RPH3AL: variants seen among roughly 807,000 people sequenced by gnomAD.
The protein encoded by RPH3AL is rabphilin 3A like (without C2 domains).
RPH3AL carries 38 observed loss-of-function variants against 43.1 expected under a neutral mutation model. The ratio of observed to expected loss-of-function variants is 0.88; its 90% CI spans 0.68 to 1.15. RPH3AL has a LOEUF of 1.15. Among genes scored for constraint, RPH3AL ranks in the 50% most tolerant of loss-of-function variants. The pLI is 0.00. For missense variants in RPH3AL, 462 were observed against 423.2 expected, an observed-to-expected ratio of 1.09 and a Z score of -0.81; for synonymous variants, 189 against 176.3, an observed-to-expected ratio of 1.07 and a Z score of -0.57.
intron 7 of RPH3AL, among the ~76,000 whole-genome samples, chr17:236,279 ACACT>A (rs1238016093): frequency 6.6e-5 from 10 of 152,214 alleles, no homozygotes; most frequent in Admixed American, 6.5e-4. Context: ...CAGATGCAAA[ACACT>A]CAGTTCTGTG....
chr17:288,839 TCTCTCCACCGTCAGACCTCGCA>T (rs1205612935), intron 5 of RPH3AL, among the ~76,000 whole-genome samples: 11 of 32,356 alleles, frequency 3.4e-4, no homozygotes, highest in Non-Finnish European at 8.1e-4. Flanking sequence ...CCTCGCACCC[TCTCTCCACCGTCAGACCTCGCA>T]CCCTCTCTCT....
chr17:244,777 C>T (rs1258317637), intron 7 of RPH3AL, among the ~76,000 whole-genome samples: 3 of 152,166 alleles, frequency 2.0e-5, no homozygotes, highest in Non-Finnish European at 4.4e-5. Context: ...GCCAAGTCTG[C>T]GTGCCTGAGG....
rs574143471 is a variant in RPH3AL, at chr17:230,116, C to T, written c.614-10380G>A. 1.4e-4 allele frequency among the ~76,000 whole-genome samples: 22 copies of T among 152,300 alleles called. No homozygotes were observed. The East Asian group carries it at 2.9e-3, about 20-fold the overall frequency. ...AGGCCCCCGAGGACAGCCCCAGGCA[C>T]GGGAGCTGATGGGCACAGACAGGGC... On this transcript the variant is annotated intron_variant, in intron 7 of 9. Coordinates refer to ENST00000331302, the MANE Select transcript of RPH3AL (RefSeq NM_006987.4).
chr17:314,217 A>G (rs1299182162), intron 5 of RPH3AL, among the ~76,000 whole-genome samples: 5 of 152,070 alleles, frequency 3.3e-5, no homozygotes, highest in Admixed American at 2.6e-4. Flanking sequence ...GTGCCTCTTC[A>G]TGGTCCCCTA....
Position 215,807 on chromosome 17 carries a change from G to A in RPH3AL, c.728-5C>T. ...TGGGGGCCTCCACGCTGCCACCTGT[G>A]GGAAATCACGTGTGGGCCCCGTGGA... On this transcript the variant is annotated splice_region_variant and splice_polypyrimidine_tract_variant and intron_variant, in intron 8 of 9. Coordinates refer to ENST00000331302, the MANE Select transcript of RPH3AL (RefSeq NM_006987.4). This position sits in a 1 kb window ranked among gnomAD's most constrained non-coding sequence, Gnocchi z 4.1. 1 of 1,298,000 alleles carries A rather than the reference G, an allele frequency of 7.7e-7. No individual in the cohort carries two copies. The highest frequency in any genetic ancestry group is 2.8e-5 in the South Asian group (1 of 35,970). 80.4% of individuals were successfully genotyped at this position (1,298,000 alleles called of 1,614,324 possible). A position where few individuals can be genotyped will look rare whatever the true frequency, so the allele number is the denominator to read the frequency against.
In RPH3AL at chr17:235,949, C is replaced by G. The variant is rs144163746; in HGVS notation, c.613+11162G>C. 4.2e-3 allele frequency among the ~76,000 whole-genome samples: 527 copies of G among 126,112 alleles called. 20 individuals carry two copies. Among genetic ancestry groups the G allele is most frequent in the Middle Eastern group, 0.012 (3 of 254 alleles). 82.7% of individuals were successfully genotyped at this position (126,112 alleles called of 152,430 possible). ...GAGGCTCCGCACTAACAAGACAGATCCAGGGTTCAAAGCTGGGGTCGGCCA... is the reference window on the plus strand; with the variant it reads ...GAGGCTCCGCACTAACAAGACAGATGCAGGGTTCAAAGCTGGGGTCGGCCA... On this transcript the variant is annotated intron_variant, in intron 7 of 9. Coordinates refer to ENST00000331302, the MANE Select transcript of RPH3AL (RefSeq NM_006987.4).
intron 6 of RPH3AL, among the ~76,000 whole-genome samples, chr17:276,642 C>T (rs1419686206): frequency 6.6e-6 from 1 of 152,212 alleles, no homozygotes; most frequent in Non-Finnish European, 1.5e-5. Context: ...ATCCTCCTGC[C>T]TCAGCTTCCC....
Position 281,840 on chromosome 17 carries a change from T to C in RPH3AL, c.366A>G (p.Lys122=). 1 of 1,613,594 alleles carries C rather than the reference T, an allele frequency of 6.2e-7. No individual in the cohort carries two copies. Among genetic ancestry groups the C allele is most frequent in the East Asian group, 2.2e-5 (1 of 44,838 alleles). ...GGCCAGGGGAGGCCTCGATCCCACA[T>C]TTGGTGCAGACTTTCTACAAGAGAG... ...CKDCRKKVCT[K]CGIEASPGQK... Residue 122 remains lysine, a synonymous_variant, in exon 6 of 10, where the codon AAA becomes AAG. Coordinates refer to ENST00000331302, the MANE Select transcript of RPH3AL (RefSeq NM_006987.4).
intron 2 of RPH3AL, chr17:331,497 C>T (rs888527269): frequency 1.7e-5 from 20 of 1,154,702 alleles, no homozygotes; most frequent in African/African-American, 6.4e-5. Flanking sequence ...CCACCCTGGC[C>T]GTGGCTGGCA....
chr17:233,066 C>A (rs939773135), intron 7 of RPH3AL, among the ~76,000 whole-genome samples: 2 of 151,722 alleles, frequency 1.3e-5, no homozygotes, highest in Admixed American at 6.6e-5. Context: ...ACTTAGTGAG[C>A]GCTTATCAAA....
chr17:304,802 A>AAAACCATTTTT (rs1377719953), intron 5 of RPH3AL, among the ~76,000 whole-genome samples: 1 of 151,466 alleles, frequency 6.6e-6, no homozygotes, highest in Non-Finnish European at 1.5e-5. Flanking sequence ...TTACAAACAT[A>AAAACCATTTTT]AAACCATTTT....
At chr17:267,810 A>C (rs1302883826) in intron 6 of RPH3AL, among the ~76,000 whole-genome samples, 1 of 147,222 alleles carries the variant, frequency 6.8e-6, no homozygotes, top group Non-Finnish European at 1.5e-5. Flanking sequence ...TCTCCAAATC[A>C]CTGATTCAAG....
chr17:231,873 G>T (rs999905295), intron 7 of RPH3AL, among the ~76,000 whole-genome samples: 1 of 152,262 alleles, frequency 6.6e-6, no homozygotes, highest in Non-Finnish European at 1.5e-5. Context: ...TGGCTGATGA[G>T]GGCCTTCTGC....
At chr17:240,782 G>A (rs1230990958) in intron 7 of RPH3AL, among the ~76,000 whole-genome samples, 8 of 152,242 alleles carry the variant, frequency 5.3e-5, no homozygotes, top group Admixed American at 3.9e-4. Context: ...GTCTTCGGCC[G>A]GGCACGGTGG....
intron 7 of RPH3AL, among the ~76,000 whole-genome samples, chr17:231,295 A>C (rs923074764): frequency 6.6e-6 from 1 of 152,154 alleles, no homozygotes; most frequent in African/African-American, 2.4e-5. Flanking sequence ...GTCTGTGGTC[A>C]GAGCTTAGGT....
chr17:335,890 G>A (rs574751773), intron 1 of RPH3AL: 4 of 152,308 alleles, frequency 2.6e-5, no homozygotes, highest in African/African-American at 9.6e-5. Context: ...AAAGGGGCTG[G>A]AGGCTGCCTC....
chr17:300,997 C>T (rs767052806), intron 5 of RPH3AL, among the ~76,000 whole-genome samples: 151 of 152,364 alleles, frequency 9.9e-4, no homozygotes, highest in Non-Finnish European at 1.5e-3. Context: ...GAGGCTGGGC[C>T]GTGACTCCTC....
chr17:337,453 G>A (rs576536128), intron 1 of RPH3AL, among the ~76,000 whole-genome samples: 1 of 152,094 alleles, frequency 6.6e-6, no homozygotes, highest in South Asian at 2.1e-4. Flanking sequence ...GCTCAGCCTC[G>A]CTGGCCTCCT....
chr17:290,036 C>T lies in RPH3AL; in HGVS notation c.352-8182G>A, dbSNP rs138043379. ...TCTGTTCACCCTCCTGCTCCCTGTGCCCGGCACAGTGACTATTTGCAGAAG... is the reference window on the plus strand; with the variant it reads ...TCTGTTCACCCTCCTGCTCCCTGTGTCCGGCACAGTGACTATTTGCAGAAG... On this transcript the variant is annotated intron_variant, in intron 5 of 9. Coordinates refer to ENST00000331302, the MANE Select transcript of RPH3AL (RefSeq NM_006987.4). This position sits in a 1 kb window ranked among gnomAD's most constrained non-coding sequence, Gnocchi z 4.2. Among the ~76,000 whole-genome samples the T allele has an allele frequency of 4.6e-5, 7 of 152,320 alleles. No individual in the cohort carries two copies. The highest frequency in any genetic ancestry group is 1.7e-4 in the African/African-American group (7 of 41,572).
Sources: gnomAD v4.1 joint callset for allele counts (sites outside exome capture counted in the v4.1 genomes callset) on GRCh38, gnomAD v4.1.1 for gene constraint, Gnocchi (gnomAD v3.1) non-coding constraint, MANE v1.5 for transcripts, NCBI Gene and HGNC (gene_info 2026-07-23, HGNC 2026-07-21) for gene names.